Variants in CCSER1 observed in about 807,000 individuals in gnomAD.
CCSER1 encodes the protein coiled-coil serine rich protein 1.
A neutral mutation model predicts 82.0 loss-of-function variants in CCSER1; 41 were observed. The observed-to-expected ratio is 0.50, with a 90% CI of 0.39 to 0.65. CCSER1 has a LOEUF of 0.65. CCSER1 is among the 30% of genes least tolerant of loss of function. CCSER1 has a pLI of 0.00. For synonymous variants in CCSER1, 414 were observed against 383.9 expected, an observed-to-expected ratio of 1.08 and a Z score of -0.92; for missense variants, 1,119 against 1,064.2, an observed-to-expected ratio of 1.05 and a Z score of -0.72.
intron 10 of CCSER1, among the ~76,000 whole-genome samples, chr4:91,534,949 C>G (rs1761221741): frequency 6.6e-6 from 1 of 151,748 alleles, no homozygotes; most frequent in African/African-American, 2.4e-5. Context: ...TATCTTAAAT[C>G]ACATTTTCTT....
intron 10 of CCSER1, among the ~76,000 whole-genome samples, chr4:91,177,848 T>C (rs1266400411): frequency 6.6e-6 from 1 of 152,222 alleles, no homozygotes; most frequent in Non-Finnish European, 1.5e-5. Context: ...TCTTGCCTTC[T>C]CCTAGCTTTT....
intron 9 of CCSER1, among the ~76,000 whole-genome samples, chr4:90,960,713 C>T (rs1222344679): frequency 3.3e-5 from 5 of 152,142 alleles, no homozygotes; most frequent in Non-Finnish European, 5.9e-5. Context: ...TTTATGGAAC[C>T]GCTGTACCTG....
At chr4:90,567,403 G>GC (rs1779536166) in intron 5 of CCSER1, among the ~76,000 whole-genome samples, 1 of 150,666 alleles carries the variant, frequency 6.6e-6, no homozygotes, top group Non-Finnish European at 1.5e-5. Context: ...CGATTCTCCT[G>GC]CCTCAGCCTT....
chr4:91,054,475 T>C (rs1743269863), intron 9 of CCSER1, among the ~76,000 whole-genome samples: 1 of 152,200 alleles, frequency 6.6e-6, no homozygotes, highest in Admixed American at 6.5e-5. Context: ...TCTTTGTCTT[T>C]TTTAATCTTT....
intron 1 of CCSER1, among the ~76,000 whole-genome samples, chr4:90,156,123 G>A (rs1242391437): frequency 2.0e-5 from 3 of 152,056 alleles, no homozygotes; most frequent in South Asian, 2.1e-4. Context: ...CCTTCATTTC[G>A]TTATGTACCC....
intron 8 of CCSER1, among the ~76,000 whole-genome samples, chr4:90,835,968 T>C (rs956002386): frequency 3.9e-5 from 6 of 152,218 alleles, no homozygotes; most frequent in African/African-American, 1.2e-4. Context: ...GACTCTGCTT[T>C]GTGAATCTGA....
chr4:90,686,203 C>T (rs945005748), intron 6 of CCSER1, among the ~76,000 whole-genome samples: 1 of 152,084 alleles, frequency 6.6e-6, no homozygotes, highest in African/African-American at 2.4e-5. Flanking sequence ...CCACAGGCCT[C>T]AGAGCTTCAT....
chr4:91,128,210 C>T (rs1223141458), intron 10 of CCSER1, among the ~76,000 whole-genome samples: 1 of 152,014 alleles, frequency 6.6e-6, no homozygotes, highest in African/African-American at 2.4e-5. Context: ...TCAGTTTCTG[C>T]CTCTAACTCC....
chr4:90,256,484 C>G (rs1178898701), intron 1 of CCSER1, among the ~76,000 whole-genome samples: 1 of 152,068 alleles, frequency 6.6e-6, no homozygotes, highest in African/African-American at 2.4e-5. Context: ...TGAATTATGC[C>G]TGGTGATTCT....
intron 10 of CCSER1, among the ~76,000 whole-genome samples, chr4:91,381,966 G>T (rs923426766): frequency 6.6e-6 from 1 of 152,174 alleles, no homozygotes; most frequent in South Asian, 2.1e-4. Context: ...CTAACAGTCA[G>T]GACCTTCAGC....
chr4:90,952,317 A>C (rs1044878865), intron 9 of CCSER1, among the ~76,000 whole-genome samples: 10 of 152,196 alleles, frequency 6.6e-5, no homozygotes, highest in Admixed American at 3.9e-4. Context: ...TTTGCCCCCC[A>C]GTGAACACTG....
At position 91,308,278 on chromosome 4, in the gene CCSER1, C is replaced by T. The variant is rs987741391; in HGVS notation, c.2217+222284C>T. Among the ~76,000 whole-genome samples the T allele has an allele frequency of 3.3e-5, 5 of 151,826 alleles. No homozygotes were observed. The East Asian group carries it at 9.7e-4, about 30-fold the overall frequency. On this transcript the variant is annotated intron_variant, in intron 10 of 10. Transcript: ENST00000509176. Reference sequence around the variant, plus strand: ...CTCATAATGATTGATAAAATATTTACAAGTGACAGGGCTGACTCTTCCCTG... The same window carrying T: ...CTCATAATGATTGATAAAATATTTATAAGTGACAGGGCTGACTCTTCCCTG...
chr4:90,921,820 T>C (rs370811233), intron 8 of CCSER1, among the ~76,000 whole-genome samples: 3 of 152,060 alleles, frequency 2.0e-5, no homozygotes, highest in Admixed American at 6.6e-5. Flanking sequence ...TACTTATGAT[T>C]CTAATCTATC....
intron 5 of CCSER1, among the ~76,000 whole-genome samples, chr4:90,499,039 T>C (rs923310598): frequency 2.6e-5 from 4 of 152,100 alleles, no homozygotes; most frequent in African/African-American, 4.8e-5. Context: ...TATTTGGAAA[T>C]CTTTATCAAT....
chr4:91,342,707 A>G (rs1442971940), intron 10 of CCSER1, among the ~76,000 whole-genome samples: 1 of 152,154 alleles, frequency 6.6e-6, no homozygotes, highest in African/African-American at 2.4e-5. Context: ...TTACACATAC[A>G]ACAATAAAAG....
At chr4:91,538,143 T>TTACTG (rs1761391084) in intron 10 of CCSER1, among the ~76,000 whole-genome samples, 1 of 152,052 alleles carries the variant, frequency 6.6e-6, no homozygotes, top group African/African-American at 2.4e-5. Context: ...ATTTTCTTGT[T>TTACTG]TACTCTAATG....
chr4:91,415,529 T>C (rs1330287791), intron 10 of CCSER1, among the ~76,000 whole-genome samples: 1 of 152,172 alleles, frequency 6.6e-6, no homozygotes, highest in East Asian at 1.9e-4. Context: ...GCCCATTCTG[T>C]ATGATATGGC....
chr4:90,480,025 C>G (rs964971517), intron 5 of CCSER1, among the ~76,000 whole-genome samples: 2 of 152,184 alleles, frequency 1.3e-5, no homozygotes, highest in Non-Finnish European at 2.9e-5. Context: ...TCTCCACATC[C>G]TCTCCAGCAC....
chr4:91,463,248 G>A (rs190196735), intron 10 of CCSER1, among the ~76,000 whole-genome samples: 1 of 152,172 alleles, frequency 6.6e-6, no homozygotes, highest in Non-Finnish European at 1.5e-5. Context: ...AGGCAAACAG[G>A]GTCTGGAGTG....
Sources: allele counts gnomAD v4.1 joint callset (sites outside exome capture counted in the v4.1 genomes callset), GRCh38; gene constraint gnomAD v4.1.1; transcripts MANE v1.5; gene names NCBI Gene and HGNC (gene_info 2026-07-23, HGNC 2026-07-21).